The following SPATA16 variants were observed in gnomAD, a reference collection of about 807,000 sequenced individuals.
SPATA16 encodes spermatogenesis associated 16.
Under a neutral mutation model 63.3 loss-of-function variants are expected in SPATA16, and 36 were observed. The ratio of observed to expected loss-of-function variants is 0.57; its 90% confidence interval spans 0.44 to 0.75. The LOEUF is 0.75. Among genes scored for constraint, SPATA16 ranks in the 30% least tolerant of loss-of-function variants. The pLI is 0.00. For synonymous variants in SPATA16, 203 were observed against 216.7 expected, an observed-to-expected ratio of 0.94 and a Z score of 0.56; for missense variants, 646 against 679.3, an observed-to-expected ratio of 0.95 and a Z score of 0.54.
At chr3:173,029,301 A>G (rs1735541193) in intron 3 of SPATA16, among the ~76,000 whole-genome samples, 1 of 152,048 alleles carries the variant, frequency 6.6e-6, no homozygotes, top group Non-Finnish European at 1.5e-5. Context: ...CTTGCAAACT[A>G]ACAAGTTAGC....
chr3:173,052,532 T>A lies in SPATA16; in HGVS notation c.613-3438A>T, dbSNP rs543115785. ...ATTTATTCTCTTCCAAAGTAGTACA[T>A]CTTTGAATTAAGCTTTGCAATAAGG... is the stretch of plus-strand genomic sequence containing the variant. On this transcript the variant is annotated intron_variant, in intron 2 of 10. Coordinates refer to ENST00000351008, the MANE Select transcript of SPATA16 (RefSeq NM_031955.6). Among the ~76,000 whole-genome samples the A allele has an allele frequency of 7.9e-5, 12 of 152,324 alleles. No individual in the cohort carries two copies. The South Asian group carries it at 2.5e-3, about 32-fold the overall frequency.
At chr3:172,925,897 C>A (rs1227502512) in intron 6 of SPATA16, among the ~76,000 whole-genome samples, 1 of 152,078 alleles carries the variant, frequency 6.6e-6, no homozygotes, top group East Asian at 1.9e-4. Flanking sequence ...TCAATTTTGG[C>A]TCACTGCAAC....
chr3:173,029,093 A>G (rs1020865220), intron 3 of SPATA16, among the ~76,000 whole-genome samples: 6 of 152,094 alleles, frequency 3.9e-5, no homozygotes, highest in African/African-American at 1.2e-4. Flanking sequence ...CTTACTAACC[A>G]ATGATGCAAC....
intron 5 of SPATA16, among the ~76,000 whole-genome samples, chr3:172,961,027 T>C (rs765930726): frequency 2.6e-4 from 29 of 112,456 alleles, no homozygotes; most frequent in Non-Finnish European, 4.1e-4. Flanking sequence ...TTTCTCTCTT[T>C]CTCTCTTTCT....
chr3:173,056,460 T>G (rs1736224647), intron 2 of SPATA16, among the ~76,000 whole-genome samples: 1 of 152,158 alleles, frequency 6.6e-6, no homozygotes. Flanking sequence ...CCCAGCACTT[T>G]GGGAGGCCGA....
intron 6 of SPATA16, among the ~76,000 whole-genome samples, chr3:172,954,757 T>C (rs144711568): frequency 5.0e-4 from 76 of 152,330 alleles, no homozygotes; most frequent in African/African-American, 1.8e-3. Context: ...CAGCAATGGC[T>C]TTGGGGAAAC....
intron 10 of SPATA16, among the ~76,000 whole-genome samples, chr3:172,892,036 T>C (rs1200905594): frequency 1.3e-5 from 2 of 152,206 alleles, no homozygotes; most frequent in Non-Finnish European, 2.9e-5. Context: ...GTAATCCTAC[T>C]CCCTGATAAA....
intron 2 of SPATA16, among the ~76,000 whole-genome samples, chr3:173,061,845 G>A (rs62282609): frequency 0.01 from 1,528 of 152,262 alleles, 16 homozygotes; most frequent in Middle Eastern, 0.014. Flanking sequence ...GAGATGTGAA[G>A]AATTATATTC....
chr3:173,056,627 C>A (rs546876677), intron 2 of SPATA16, among the ~76,000 whole-genome samples: 1 of 146,940 alleles, frequency 6.8e-6, no homozygotes, highest in African/African-American at 2.6e-5. Context: ...TCTCTTGAAC[C>A]CAGGAGGCGG....
In SPATA16 at chr3:173,130,358, C is replaced by CAA. The variant is rs1202660573; in HGVS notation, c.-19+10743_-19+10744dup. Among the ~76,000 whole-genome samples the CAA allele has an allele frequency of 7.5e-3, 294 of 39,198 alleles. 5 individuals are homozygous for CAA. Among genetic ancestry groups the CAA allele is most frequent in the Non-Finnish European group, 8.6e-3 (138 of 16,102 alleles). 25.7% of individuals were successfully genotyped at this position (39,198 alleles called of 152,430 possible). ...CTGGCGACAGAGTGAGACTTCGTCT[C>CAA]AAAAAAAAAAAAAAAAAAAAAAAAA... is the stretch of plus-strand genomic sequence containing the variant. On this transcript the variant is annotated intron_variant, in intron 1 of 10. Transcript: ENST00000351008.
Position 173,069,642 on chromosome 3 carries a change from A to G in SPATA16, c.613-20548T>C, listed in dbSNP as rs149977077. The stretch of plus-strand genomic sequence containing the variant: ...ACTTCCAGACTTATTCTATGAGGTC[A>G]GTATCACTCTGATACCAAAACCAGA... On this transcript the variant is annotated intron_variant, in intron 2 of 10. Coordinates refer to ENST00000351008, the MANE Select transcript of SPATA16 (RefSeq NM_031955.6). 4.9e-3 allele frequency among the ~76,000 whole-genome samples: 748 copies of G among 152,364 alleles called. 1 individual carries two copies. The highest frequency in any genetic ancestry group is 0.014 in the Middle Eastern group (4 of 294).
chr3:172,961,372 T>G (rs1309853563), intron 5 of SPATA16, among the ~76,000 whole-genome samples: 1 of 152,106 alleles, frequency 6.6e-6, no homozygotes, highest in Non-Finnish European at 1.5e-5. Flanking sequence ...CTTCTTGAGA[T>G]TTGGAGAGGC....
At chr3:172,904,452 C>G (rs191050266) in intron 10 of SPATA16, among the ~76,000 whole-genome samples, 9 of 152,246 alleles carry the variant, frequency 5.9e-5, no homozygotes, top group Admixed American at 3.3e-4. Flanking sequence ...GATACATGCT[C>G]CCTAGATGAG....
intron 8 of SPATA16, among the ~76,000 whole-genome samples, chr3:172,923,084 G>A (rs1258125352): frequency 6.6e-6 from 1 of 152,218 alleles, no homozygotes; most frequent in Admixed American, 6.5e-5. Flanking sequence ...GCTACACGGT[G>A]ATGGTTCTGG....
intron 1 of SPATA16, among the ~76,000 whole-genome samples, chr3:173,127,846 C>T (rs937542353): frequency 3.9e-5 from 6 of 152,216 alleles, no homozygotes; most frequent in African/African-American, 1.2e-4. Context: ...TTTGCGACCA[C>T]GCAATTTCCT....
chr3:173,028,888 A>G (rs1301275046), intron 3 of SPATA16, among the ~76,000 whole-genome samples: 1 of 152,062 alleles, frequency 6.6e-6, no homozygotes, highest in Non-Finnish European at 1.5e-5. Flanking sequence ...AGTGATCTGG[A>G]AAACATAGTG....
rs1733442169 is a variant in SPATA16, at chr3:172,951,882, G to T, written c.1081+4795C>A. Among the ~76,000 whole-genome samples, 3 of 152,326 alleles carry T rather than the reference G, an allele frequency of 2.0e-5. No homozygotes were observed. In the South Asian group the frequency reaches 6.2e-4, roughly 32 times the overall value. ...ATAATTACTTCTCCAGCAAAACTTT[G>T]ATAGGTAGACTCTTCATCCAAAATC... On this transcript the variant is annotated intron_variant, in intron 6 of 10. Coordinates refer to ENST00000351008, the MANE Select transcript of SPATA16 (RefSeq NM_031955.6).
chr3:172,946,776 T>C (rs1397408517), intron 6 of SPATA16, among the ~76,000 whole-genome samples: 1 of 152,028 alleles, frequency 6.6e-6, no homozygotes, highest in Non-Finnish European at 1.5e-5. Flanking sequence ...CTCACCACCC[T>C]GAAGGGAAGG....
chr3:173,137,822 A>ACAC, intron 1 of SPATA16, among the ~76,000 whole-genome samples: 1 of 122,288 alleles, frequency 8.2e-6, no homozygotes, highest in South Asian at 3.2e-4. Flanking sequence ...ATGGACTCTC[A>ACAC]ACACACACAC....
Sources: gnomAD v4.1 joint callset for allele counts (sites outside exome capture counted in the v4.1 genomes callset) on GRCh38, gnomAD v4.1.1 for gene constraint, MANE v1.5 for transcripts, NCBI Gene and HGNC (gene_info 2026-07-23, HGNC 2026-07-21) for gene names.